ITPR1: variants seen among roughly 807,000 people sequenced by gnomAD.
ITPR1 encodes inositol 1,4,5-trisphosphate receptor type 1.
Under a neutral mutation model 318.4 loss-of-function variants are expected in ITPR1, and 96 were observed. The ratio of observed to expected loss-of-function variants is 0.30; its 90% CI spans 0.26 to 0.36. ITPR1 has a LOEUF of 0.36. Ranked by LOEUF, ITPR1 falls within the 10% of genes least tolerant of loss-of-function variation. The pLI, the probability that ITPR1 is intolerant of heterozygous loss-of-function variation, is 1.00. For synonymous variants in ITPR1, 1,312 were observed against 1,289.9 expected (o/e 1.02, Z -0.37); for missense variants, 2,440 against 3,460.2 (o/e 0.71, Z 7.40).
At chr3:4,623,290 C>T (rs1381013993) in intron 4 of ITPR1, among the ~76,000 whole-genome samples, 1 of 152,214 alleles carries the variant, frequency 6.6e-6, no homozygotes, top group Admixed American at 6.5e-5. Context: ...CCCACCCAGC[C>T]CCTTAACGCC....
At chr3:4,606,592 T>C (rs1486350539) in intron 4 of ITPR1, among the ~76,000 whole-genome samples, 1 of 152,094 alleles carries the variant, frequency 6.6e-6, no homozygotes. Context: ...AGGGAGGGTA[T>C]GGTAAAACAC....
chr3:4,738,835 A>C (rs962624334), intron 44 of ITPR1, among the ~76,000 whole-genome samples: 3 of 152,144 alleles, frequency 2.0e-5, no homozygotes, highest in African/African-American at 7.2e-5. Flanking sequence ...TGGAGCAGGG[A>C]TGTTTTCTCT....
chr3:4,523,863 T>G (rs755741768), intron 4 of ITPR1, among the ~76,000 whole-genome samples: 63 of 152,190 alleles, frequency 4.1e-4, no homozygotes, highest in Non-Finnish European at 7.2e-4. Context: ...TGCTTGGATG[T>G]ATGTATGGTG....
At chr3:4,558,266 G>C (rs2086331433) in intron 4 of ITPR1, among the ~76,000 whole-genome samples, 1 of 152,054 alleles carries the variant, frequency 6.6e-6, no homozygotes, top group African/African-American at 2.4e-5. Flanking sequence ...ATGGCAAATA[G>C]TGCAAGGAAA....
intron 18 of ITPR1, among the ~76,000 whole-genome samples, chr3:4,669,301 C>T (rs1576011265): frequency 1.3e-5 from 2 of 152,338 alleles, no homozygotes; most frequent in South Asian, 4.1e-4. Context: ...ACTGGGCTTC[C>T]AACACACGTA....
intron 40 of ITPR1, among the ~76,000 whole-genome samples, chr3:4,718,903 T>A (rs1013475965): frequency 6.6e-6 from 1 of 152,228 alleles, no homozygotes; most frequent in Non-Finnish European, 1.5e-5. Flanking sequence ...TGTTTCTACG[T>A]AGAGTTGTAA....
At position 4,847,369 on chromosome 3, in the gene ITPR1, T is replaced by C. The variant is rs984365970; in HGVS notation, c.*1144T>C. 3 of 141,902 alleles carry C rather than the reference T, an allele frequency of 2.1e-5. No homozygotes were observed. Among genetic ancestry groups the C allele is most frequent in the African/African-American group, 8.0e-5 (3 of 37,558 alleles). The allele number at this position is 141,902 out of a possible 1,614,324, so 8.8% of individuals were successfully genotyped here. A position where few individuals can be genotyped will look rare whatever the true frequency, so the allele number is the denominator to read the frequency against. On this transcript the variant is annotated 3_prime_UTR_variant, in exon 62 of 62. Transcript: ENST00000649015. The stretch of plus-strand genomic sequence containing the variant: ...TCTGTTGCCTAGTTTTGTACATGGA[T>C]CTCATTTTACAAGAGAATCTCTCTG...
Position 4,697,319 on chromosome 3 carries a change from T to TGTGTGTGTGA in ITPR1, c.4407+56_4407+57insAGTGTGTGTG, listed in dbSNP as rs140030253. 2.5e-4 allele frequency: 277 copies of TGTGTGTGTGA among 1,093,620 alleles called. 1 individual carries two copies. The African/African-American group carries it at 5.5e-3, about 22-fold the overall frequency. 67.7% of individuals were successfully genotyped at this position (1,093,620 alleles called of 1,614,324 possible). A position where few individuals can be genotyped will look rare whatever the true frequency, so the allele number is the denominator to read the frequency against. ...AGGCAGAGTTGGAGAGTGAGAGGTG[T>TGTGTGTGTGA]GTGTGTGTGTGTGTGTGTGTGTGTG... On this transcript the variant is annotated intron_variant, in intron 34 of 61. Transcript: ENST00000649015.
chr3:4,845,488 A>G (rs534520816), intron 61 of ITPR1, among the ~76,000 whole-genome samples: 28 of 152,330 alleles, frequency 1.8e-4, no homozygotes, highest in African/African-American at 6.0e-4. Flanking sequence ...TTTCATTTGA[A>G]CTAGTCTTAG....
chr3:4,819,000 C>T (rs991172405), intron 60 of ITPR1, among the ~76,000 whole-genome samples: 8 of 152,164 alleles, frequency 5.3e-5, no homozygotes, highest in Middle Eastern at 3.2e-3. Flanking sequence ...CTGTGATTCA[C>T]GCTGGCTGCC....
intron 42 of ITPR1, among the ~76,000 whole-genome samples, chr3:4,732,017 C>T (rs1439496860): frequency 6.6e-6 from 1 of 152,262 alleles, no homozygotes; most frequent in African/African-American, 2.4e-5. Context: ...AGAGGAACTC[C>T]GTGACTTGCT....
At chr3:4,818,794 T>C (rs1322715639) in intron 60 of ITPR1, among the ~76,000 whole-genome samples, 1 of 152,176 alleles carries the variant, frequency 6.6e-6, no homozygotes, top group East Asian at 1.9e-4. Flanking sequence ...GTGTGGATAC[T>C]GTGTCCCAGG....
chr3:4,688,414 GT>G (rs1235048334), intron 30 of ITPR1, 80 bp from the exon 31 acceptor site: 2 of 1,552,110 alleles, frequency 1.3e-6, no homozygotes, highest in African/African-American at 1.4e-5. Flanking sequence ...TGACTCCCAC[GT>G]TAGCAGGAGG....
At chr3:4,531,994 C>T (rs2083451176) in intron 4 of ITPR1, among the ~76,000 whole-genome samples, 1 of 152,180 alleles carries the variant, frequency 6.6e-6, no homozygotes. Context: ...TTATGTATAC[C>T]TCACAGGGTT....
intron 36 of ITPR1, among the ~76,000 whole-genome samples, chr3:4,703,151 G>C (rs17041233): frequency 0.01 from 1,577 of 152,228 alleles, 31 homozygotes; most frequent in African/African-American, 0.035. Flanking sequence ...CAAGGGAAGA[G>C]CCAGTGAGTC....
At chr3:4,770,812 G>A (rs1247530051) in intron 46 of ITPR1, among the ~76,000 whole-genome samples, 6 of 152,136 alleles carry the variant, frequency 3.9e-5, no homozygotes, top group Admixed American at 3.9e-4. Flanking sequence ...TCAGGGCCTG[G>A]TTACCATCTC....
In ITPR1 at chr3:4,572,695, T is replaced by A. The variant is rs565786957; in HGVS notation, c.163+51601T>A. Among the ~76,000 whole-genome samples, 28 of 152,372 alleles carry A rather than the reference T, an allele frequency of 1.8e-4. No individual in the cohort carries two copies. In the South Asian group the frequency reaches 3.5e-3, roughly 19 times the overall value. On this transcript the variant is annotated intron_variant, in intron 4 of 61. Coordinates refer to ENST00000649015, the MANE Select transcript of ITPR1 (RefSeq NM_001378452.1). The stretch of plus-strand genomic sequence containing the variant: ...TGGGAGACAGATCTCCAGAACTTTT[T>A]CATCTTGCAGATCTGAAGTTCTGTT...
At position 4,682,244 on chromosome 3, in the gene ITPR1, A is replaced by G. The variant is rs561665873; in HGVS notation, c.3161+826A>G. 2.6e-4 allele frequency among the ~76,000 whole-genome samples: 40 copies of G among 152,368 alleles called. No homozygotes were observed. In the South Asian group the frequency reaches 7.9e-3, roughly 30 times the overall value. On this transcript the variant is annotated intron_variant, in intron 26 of 61. Coordinates refer to ENST00000649015, the MANE Select transcript of ITPR1 (RefSeq NM_001378452.1). Reference sequence around the variant, plus strand: ...TTGGATTATTCACATTTCTGGCACTATAGCAGAGATGCCTGCAAGGCCAGA... The same window carrying G: ...TTGGATTATTCACATTTCTGGCACTGTAGCAGAGATGCCTGCAAGGCCAGA...
chr3:4,604,486 G>A (rs190809185), intron 4 of ITPR1, among the ~76,000 whole-genome samples: 13 of 152,304 alleles, frequency 8.5e-5, no homozygotes, highest in Non-Finnish European at 1.8e-4. Flanking sequence ...TGCTTAGGGA[G>A]GGATGGGGTG....
Sources: gnomAD v4.1 joint callset for allele counts (sites outside exome capture counted in the v4.1 genomes callset) on GRCh38, gnomAD v4.1.1 for gene constraint, MANE v1.5 for transcripts, NCBI Gene and HGNC (gene_info 2026-07-23, HGNC 2026-07-21) for gene names.